METTL15: variants seen among roughly 807,000 people sequenced by gnomAD.
METTL15 encodes methyltransferase 15, mitochondrial 12S rRNA N4-cytidine.
A neutral mutation model predicts 38.3 loss-of-function variants in METTL15; 34 were observed. That is an observed-to-expected ratio of 0.89 (90% CI 0.68 to 1.18). METTL15 has a LOEUF of 1.18. METTL15 is among the 50% of genes most tolerant of loss of function. The pLI is 0.00. For missense variants in METTL15, 438 were observed against 498.4 expected (o/e 0.88, Z 1.15); for synonymous variants, 162 against 170.9 (o/e 0.95, Z 0.41).
chr11:28,476,962 C>A (rs10835345), intron 6 of METTL15, among the ~76,000 whole-genome samples: 17,922 of 152,030 alleles, frequency 0.12, 1,429 homozygotes, highest in East Asian at 0.3. Context: ...GCAGAAATTA[C>A]CGATAAATTG....
intron 3 of METTL15, among the ~76,000 whole-genome samples, chr11:28,162,614 G>A (rs1421033465): frequency 6.6e-6 from 1 of 152,084 alleles, no homozygotes; most frequent in African/African-American, 2.4e-5. Flanking sequence ...AGTCAAAAAT[G>A]TATTGAATAT....
intron 3 of METTL15, chr11:28,125,467 C>G (rs997434187): frequency 2.0e-5 from 3 of 151,930 alleles, no homozygotes; most frequent in Non-Finnish European, 4.4e-5. Context: ...AAACGAGTAT[C>G]CATCCAAAAC....
chr11:28,272,430 A>T (rs995725235), intron 4 of METTL15, among the ~76,000 whole-genome samples: 1 of 152,196 alleles, frequency 6.6e-6, no homozygotes, highest in African/African-American at 2.4e-5. Context: ...GACATGGATG[A>T]AGCTGGAAAC....
exon 8 of METTL15, chr11:28,526,638 A>G (rs1851814136): frequency 6.6e-6 from 1 of 152,220 alleles, no homozygotes; most frequent in Non-Finnish European, 1.5e-5. Context: ...GAAGAATTAC[A>G]TGAAGACACA....
chr11:28,383,759 C>T (rs962729090), intron 5 of METTL15, among the ~76,000 whole-genome samples: 4 of 151,904 alleles, frequency 2.6e-5, no homozygotes, highest in African/African-American at 7.3e-5. Flanking sequence ...ATGTGTATGT[C>T]TTCTTTTCAA....
rs1849817600 is a variant in METTL15 at position 28,331,609 on chromosome 11, A to G, written c.*768A>G. ...GTATTTTTTAATTGAGCTAATCAAAATAATTCAGCCAAGTCTATTTGAAAT... is the reference window on the plus strand; with the variant it reads ...GTATTTTTTAATTGAGCTAATCAAAGTAATTCAGCCAAGTCTATTTGAAAT... On this transcript the variant is annotated 3_prime_UTR_variant, in exon 7 of 7. Transcript: ENST00000407364. 6.6e-6 allele frequency: 1 copy of G among 151,452 alleles called. No individual in the cohort carries two copies. Among genetic ancestry groups the G allele is most frequent in the Non-Finnish European group, 1.5e-5 (1 of 67,726 alleles). 9.4% of individuals were successfully genotyped at this position (151,452 alleles called of 1,614,324 possible). A position where few individuals can be genotyped will look rare whatever the true frequency, so the allele number is the denominator to read the frequency against.
At chr11:28,418,645 T>A (rs1395756527) in intron 5 of METTL15, among the ~76,000 whole-genome samples, 1 of 152,130 alleles carries the variant, frequency 6.6e-6, no homozygotes, top group African/African-American at 2.4e-5. Flanking sequence ...GTACCTGGTT[T>A]TAGCTTTATG....
At chr11:28,125,476 ACT>A (rs1852437033) in intron 3 of METTL15, 1 of 151,828 alleles carries the variant, frequency 6.6e-6, no homozygotes, top group Non-Finnish European at 1.5e-5. Context: ...TCCATCCAAA[ACT>A]CTGAAATTTT....
chr11:28,166,182 C>T (rs184733698), intron 3 of METTL15, among the ~76,000 whole-genome samples: 164 of 152,212 alleles, frequency 1.1e-3, no homozygotes, highest in African/African-American at 2.2e-3. Flanking sequence ...GAAAAAATGA[C>T]ACTGGAATTT....
At chr11:28,227,293 A>G (rs1156724020) in intron 4 of METTL15, among the ~76,000 whole-genome samples, 2 of 151,954 alleles carry the variant, frequency 1.3e-5, no homozygotes, top group African/African-American at 4.8e-5. Context: ...GAAATTAGAC[A>G]GAAAACAGAT....
intron 4 of METTL15, among the ~76,000 whole-genome samples, chr11:28,259,597 C>T (rs142681594): frequency 5.3e-5 from 8 of 152,306 alleles, no homozygotes; most frequent in African/African-American, 1.9e-4. Flanking sequence ...CTCCATTGCA[C>T]ATGTCAGCTG....
downstream of METTL15, among the ~76,000 whole-genome samples, chr11:28,337,416 G>A (rs1849910943): frequency 6.6e-6 from 1 of 151,976 alleles, no homozygotes; most frequent in South Asian, 2.1e-4. Context: ...TGCATGTAAA[G>A]CAGTTACCAG....
chr11:28,492,518 A>G (rs575432423), intron 6 of METTL15, among the ~76,000 whole-genome samples: 514 of 88,954 alleles, frequency 5.8e-3, no homozygotes, highest in Middle Eastern at 0.01. Flanking sequence ...AGGCAACTGG[A>G]GCCACACACA....
intron 4 of METTL15, among the ~76,000 whole-genome samples, chr11:28,286,835 G>A (rs1482420851): frequency 6.6e-6 from 1 of 151,700 alleles, no homozygotes; most frequent in Non-Finnish European, 1.5e-5. Context: ...GAGATATTAT[G>A]TCTGTCAGGA....
rs548061044 is a variant in METTL15, at chr11:28,309,074, G to A, written c.778+12143G>A. On this transcript the variant is annotated intron_variant, in intron 6 of 6. Transcript: ENST00000407364. ...GTTTCCAAGCTGTACTCCCTCATTT[G>A]TAGTGGCCTGCTCTGTATGTCTGCC... 9.2e-5 allele frequency among the ~76,000 whole-genome samples: 14 copies of A among 152,276 alleles called. No homozygotes were observed. In the South Asian group the frequency reaches 2.9e-3, roughly 32 times the overall value.
At chr11:28,270,493 C>T (rs895430160) in intron 4 of METTL15, among the ~76,000 whole-genome samples, 5 of 151,968 alleles carry the variant, frequency 3.3e-5, no homozygotes, top group Admixed American at 3.3e-4. Context: ...AGTAGTATTC[C>T]AGAACATTGT....
At chr11:28,311,558 A>G (rs1276675857) in intron 6 of METTL15, among the ~76,000 whole-genome samples, 1 of 152,234 alleles carries the variant, frequency 6.6e-6, no homozygotes, top group African/African-American at 2.4e-5. Flanking sequence ...ATCTCTTAGA[A>G]CATGTGTTAA....
chr11:28,505,449 G>C (rs1401332282), intron 6 of METTL15, among the ~76,000 whole-genome samples: 1 of 152,180 alleles, frequency 6.6e-6, no homozygotes, highest in Non-Finnish European at 1.5e-5. Context: ...TTTCTGGTCA[G>C]CTCTGTCTAA....
At chr11:28,345,132 G>A (rs1590340254) in intron 3 of METTL15, among the ~76,000 whole-genome samples, 1 of 152,024 alleles carries the variant, frequency 6.6e-6, no homozygotes, top group East Asian at 1.9e-4. Context: ...AATAATTCCA[G>A]TCCCCCACCA....
Sources: allele counts gnomAD v4.1 joint callset (sites outside exome capture counted in the v4.1 genomes callset), GRCh38; gene constraint gnomAD v4.1.1; transcripts MANE v1.5; gene names NCBI Gene and HGNC (gene_info 2026-07-23, HGNC 2026-07-21).